The following CCDC73 variants were observed in gnomAD, a reference collection of about 807,000 sequenced individuals.
CCDC73 encodes coiled-coil domain-containing protein 73.
A neutral mutation model predicts 116.5 loss-of-function variants in CCDC73; 95 were observed. That is an observed-to-expected ratio of 0.82 (90% confidence interval 0.69 to 0.97). The LOEUF (loss-of-function observed/expected upper bound fraction) is 0.97, where lower values mean the gene tolerates loss of function less well. Among genes scored for constraint, CCDC73 ranks in the 50% least tolerant of loss-of-function variants. The pLI is 0.00. For synonymous variants in CCDC73, 398 were observed against 401.3 expected (o/e 0.99, Z 0.10); for missense variants, 1,066 against 1,206.8 (o/e 0.88, Z 1.73).
chr11:32,648,358 A>G (rs903526543), intron 12 of CCDC73, among the ~76,000 whole-genome samples: 2 of 152,136 alleles, frequency 1.3e-5, no homozygotes, highest in African/African-American at 4.8e-5. Flanking sequence ...TTTCAAAAAT[A>G]TGTAATGTGG....
Position 32,663,779 on chromosome 11 carries a change from G to C in CCDC73, c.646-8807C>G, listed in dbSNP as rs542804598. Among the ~76,000 whole-genome samples, 15 of 152,164 alleles carry C rather than the reference G, an allele frequency of 9.9e-5. No homozygotes were observed. In the South Asian group the frequency reaches 1.0e-3, roughly 11 times the overall value. ...TGCCAGTTTTCAAAGGGAATGCTTCGAGTTTTTGCCCATTCAGTATGATGT... is the reference window on the plus strand; with the variant it reads ...TGCCAGTTTTCAAAGGGAATGCTTCCAGTTTTTGCCCATTCAGTATGATGT... On this transcript the variant is annotated intron_variant, in intron 9 of 17. Transcript: ENST00000335185.
At chr11:32,671,234 T>G (rs1856034948) in intron 9 of CCDC73, among the ~76,000 whole-genome samples, 1 of 152,160 alleles carries the variant, frequency 6.6e-6, no homozygotes, top group African/African-American at 2.4e-5. Flanking sequence ...CACTATCTCC[T>G]TGAGTGCTCT....
At chr11:32,696,139 C>T (rs964976300) in intron 6 of CCDC73, among the ~76,000 whole-genome samples, 2 of 152,004 alleles carry the variant, frequency 1.3e-5, no homozygotes, top group African/African-American at 4.8e-5. Context: ...GATTATCAAC[C>T]TCAACTTCTT....
At chr11:32,811,081 A>ACAACAAC in the CCDC73 span, among the ~76,000 whole-genome samples, 2 of 151,370 alleles carry the variant, frequency 1.3e-5, no homozygotes, top group Non-Finnish European at 2.9e-5. Flanking sequence ...CAACAACAAA[A>ACAACAAC]AAAAAAAACC....
At chr11:32,681,728 T>A (rs1458020710) in intron 7 of CCDC73, 1 of 151,906 alleles carries the variant, frequency 6.6e-6, no homozygotes, top group Non-Finnish European at 1.5e-5. Context: ...AAAAGAATAA[T>A]GTACTGCTTG....
intron 12 of CCDC73, among the ~76,000 whole-genome samples, chr11:32,646,522 A>AC (rs1855780334): frequency 6.6e-6 from 1 of 152,152 alleles, no homozygotes; most frequent in Non-Finnish European, 1.5e-5. Flanking sequence ...TTTTTTCCCA[A>AC]CATCTGAAGG....
At chr11:32,825,093 C>T in the CCDC73 span, among the ~76,000 whole-genome samples, 6 of 152,090 alleles carry the variant, frequency 3.9e-5, no homozygotes, top group Admixed American at 6.5e-5. Context: ...TCCAGAAAAG[C>T]GAAACAAAAC....
At chr11:32,719,744 T>C (rs183629249) in intron 2 of CCDC73, among the ~76,000 whole-genome samples, 248 of 152,212 alleles carry the variant, frequency 1.6e-3, no homozygotes, top group African/African-American at 5.7e-3. Context: ...AACATAACTA[T>C]TAAAAAGATA....
intron 6 of CCDC73, among the ~76,000 whole-genome samples, chr11:32,691,814 C>T (rs1207936711): frequency 2.0e-5 from 3 of 151,944 alleles, no homozygotes; most frequent in Non-Finnish European, 2.9e-5. Context: ...TTTGGGAGGC[C>T]GAGGTGGGCG....
In CCDC73 at chr11:32,614,442, T is replaced by C. The variant is rs544461185; in HGVS notation, c.1876A>G (p.Lys626Glu). Residue 626 changes from lysine to glutamate, a missense_variant, in exon 16 of 18, where the codon AAA (lysine) becomes GAA (glutamate). Transcript: ENST00000335185. ...EKEITNSDQT[K>E]ADLDSSLDIK... ...TCTAGAGACGAGTCCAAATCTGCTT[T>C]GGTTTGGTCACTATTTGTAATTTCC... 190 of 1,613,644 alleles carry C rather than the reference T, an allele frequency of 1.2e-4. 3 individuals are homozygous for C. The South Asian group carries it at 1.9e-3, about 16-fold the overall frequency.
At chr11:32,757,692 T>G (rs1246939621) in intron 2 of CCDC73, among the ~76,000 whole-genome samples, 1 of 152,180 alleles carries the variant, frequency 6.6e-6, no homozygotes, top group East Asian at 1.9e-4. Flanking sequence ...TCCTCCATCT[T>G]CAAAGCTAGC....
chr11:32,757,207 A>G (rs904611290), intron 2 of CCDC73, among the ~76,000 whole-genome samples: 1 of 152,112 alleles, frequency 6.6e-6, no homozygotes, highest in African/African-American at 2.4e-5. Flanking sequence ...ATACTGAATG[A>G]TTCCCTTTAT....
chr11:32,830,193 G>A, the CCDC73 span: 1 of 1,061,882 alleles, frequency 9.4e-7, no homozygotes. Flanking sequence ...CTGGCGGCAG[G>A]ACCTCGGCGG....
intron 3 of CCDC73, among the ~76,000 whole-genome samples, chr11:32,708,705 C>A (rs2171242): frequency 0.59 from 89,594 of 151,826 alleles, 26,730 homozygotes; most frequent in East Asian, 0.84. Flanking sequence ...TAATTTGATT[C>A]TCAGCTTGAT....
chr11:32,681,707 C>G (rs1856147474), intron 7 of CCDC73: 2 of 151,580 alleles, frequency 1.3e-5, no homozygotes, highest in Admixed American at 1.3e-4. Context: ...GCCCATAGAA[C>G]CAAATAACAT....
chr11:32,730,137 C>T (rs1439492118), intron 2 of CCDC73, among the ~76,000 whole-genome samples: 5 of 152,172 alleles, frequency 3.3e-5, no homozygotes, highest in East Asian at 1.9e-4. Context: ...ACAGTTTACT[C>T]CTTCTGGTGT....
chr11:32,676,986 AT>A (rs750047607), intron 7 of CCDC73, among the ~76,000 whole-genome samples: 47 of 152,244 alleles, frequency 3.1e-4, no homozygotes, highest in Non-Finnish European at 1.3e-4. Context: ...CTCTTAAAAA[AT>A]ATTATGTTAA....
chr11:32,817,467 T>C, the CCDC73 span, among the ~76,000 whole-genome samples: 1 of 152,222 alleles, frequency 6.6e-6, no homozygotes, highest in African/African-American at 2.4e-5. Flanking sequence ...TTTATCAAAT[T>C]AATGGGAAAA....
At chr11:32,747,832 C>G (rs916677296) in intron 2 of CCDC73, among the ~76,000 whole-genome samples, 1 of 152,234 alleles carries the variant, frequency 6.6e-6, no homozygotes, top group Admixed American at 6.5e-5. Flanking sequence ...CAGGAGTGTA[C>G]TGTTCCTCCA....
Sources: gnomAD v4.1 joint callset for allele counts (sites outside exome capture counted in the v4.1 genomes callset) on GRCh38, gnomAD v4.1.1 for gene constraint, MANE v1.5 for transcripts, NCBI Gene and HGNC (gene_info 2026-07-23, HGNC 2026-07-21) for gene names.